Variants in POLD4 observed in about 807,000 individuals in gnomAD.
The protein encoded by POLD4 is DNA polymerase delta 4, accessory subunit.
In POLD4, 9 loss-of-function variants were observed where a neutral mutation model predicts 16.5. The ratio of observed to expected loss-of-function variants is 0.55; its 90% CI spans 0.33 to 0.95. The LOEUF (loss-of-function observed/expected upper bound fraction) is 0.95, where lower values mean the gene tolerates loss of function less well. POLD4 is among the 40% of genes least tolerant of loss of function. POLD4 has a pLI of 0.03. For synonymous variants in POLD4, 62 were observed against 57.6 expected (o/e 1.08, Z -0.35); for missense variants, 129 against 139.7 (o/e 0.92, Z 0.39).
chr11:67,353,565 G>A, upstream of POLD4: 1 of 607,910 alleles, frequency 1.6e-6, no homozygotes, highest in Non-Finnish European at 2.8e-6. Context: ...CGGGGTCCAG[G>A]GAGGGACGCC....
intron 1 of POLD4, 107 bp downstream of exon 1, chr11:67,353,196 G>A (rs1861914184): frequency 6.6e-6 from 10 of 1,510,058 alleles, no homozygotes; most frequent in Non-Finnish European, 8.1e-6. Context: ...GTGTCGGGAG[G>A]GGAGGACAGG....
Position 67,353,217 on chromosome 11 carries a change from C to T in POLD4, c.97+86G>A, listed in dbSNP as rs1001090983. On this transcript the variant is annotated intron_variant, in intron 1 of 3. Coordinates refer to ENST00000312419, the MANE Select transcript of POLD4 (RefSeq NM_021173.5). ...GGAGGGGAGGACAGGCCACCTTTCC[C>T]TTTCCATCGGCCCCTCCGCCCCTCT... 3.0e-5 allele frequency: 47 copies of T among 1,551,522 alleles called. No homozygotes were observed. In the Admixed American group the frequency reaches 3.1e-4, roughly 10 times the overall value.
At position 67,351,741 on chromosome 11, in the gene POLD4, T is replaced by C; in HGVS notation, c.*254A>G. 4.1e-6 allele frequency: 2 copies of C among 488,866 alleles called. No homozygotes were observed. The highest frequency in any genetic ancestry group is 7.0e-5 in the East Asian group (2 of 28,770). 30.3% of individuals were successfully genotyped at this position (488,866 alleles called of 1,614,324 possible). A position where few individuals can be genotyped will look rare whatever the true frequency, so the allele number is the denominator to read the frequency against. The stretch of plus-strand genomic sequence containing the variant: ...ACAGGCAGCAGGTATTGGAAGGTGA[T>C]GGCCAGGTCCTTTTCCCCAGTGACC... On this transcript the variant is annotated 3_prime_UTR_variant, in exon 4 of 4. Transcript: ENST00000312419. This position sits in a 1 kb window ranked among gnomAD's most constrained non-coding sequence, Gnocchi z 4.8.
chr11:67,353,062 G>A lies in POLD4; in HGVS notation c.113C>T (p.Pro38Leu), dbSNP rs1861910327. 6.3e-7 allele frequency: 1 copy of A among 1,587,166 alleles called. No individual in the cohort carries two copies. Among genetic ancestry groups the A allele is most frequent in the Non-Finnish European group, 8.6e-7 (1 of 1,166,964 alleles). Residue 38 changes from proline to leucine, a missense_variant, in exon 2 of 4, where the codon CCC (proline) becomes CTC (leucine). Pro to Leu is a moderately conservative substitution (Grantham distance 98, BLOSUM62 -3). Coordinates refer to ENST00000312419, the MANE Select transcript of POLD4 (RefSeq NM_021173.5). ...LAPELGEEPQ[P>L]RDEEEAELEL... ...CAGCTCCGCTTCCTCCTCGTCGCGG[G>A]GCTGGGGCTCCTCCCCTGCAATGAC... is the stretch of plus-strand genomic sequence containing the variant.
chr11:67,352,236 G>A, intron 3 of POLD4: 1 of 520,292 alleles, frequency 1.9e-6, no homozygotes, highest in Non-Finnish European at 3.5e-6. Context: ...TTGGCCGGGT[G>A]TGGTGGCTCA....
At chr11:67,352,875 T>C (rs1293164188) in intron 2 of POLD4, 73 bp from the exon 3 acceptor site, 7 of 1,349,516 alleles carry the variant, frequency 5.2e-6, no homozygotes, top group Non-Finnish European at 7.2e-6. Context: ...AATGTGTGTG[T>C]TGGGGGGAGA....
At position 67,352,005 on chromosome 11, in the gene POLD4, T is replaced by G. The variant is rs141546876; in HGVS notation, c.314A>C (p.Tyr105Ser). The part of the protein sequence containing the change: ...PRFQCSLWHL[Y>S]PL ...GTCTTACGTGGTGCCTCATAGGGGA[T>G]AGAGATGCCAGAGACTGTGGAAGAT... Residue 105 changes from tyrosine (Y) to serine (S), a missense_variant, in exon 4 of 4, where the codon TAT becomes TCT. Tyr to Ser is a moderately radical substitution (Grantham distance 144, BLOSUM62 -2). Coordinates refer to ENST00000312419, the MANE Select transcript of POLD4 (RefSeq NM_021173.5). 2 of 1,516,984 alleles carry G rather than the reference T, an allele frequency of 1.3e-6. No homozygotes were observed. The highest frequency in any genetic ancestry group is 4.1e-5 in the Admixed American group (2 of 49,058). 94.0% of individuals were successfully genotyped at this position (1,516,984 alleles called of 1,614,324 possible).
At chr11:67,352,836 T>TG (rs751494816) in intron 2 of POLD4, 34 bp from the exon 3 acceptor site, 61 of 1,460,850 alleles carry the variant, frequency 4.2e-5, no homozygotes, top group Non-Finnish European at 5.5e-5. Context: ...TGGAGACTTG[T>TG]GGGGGGTGGG....
In POLD4 at chr11:67,352,503, C is replaced by T. The variant is rs1861891566; in HGVS notation, c.299+188G>A. The T allele has an allele frequency of 7.3e-6, 4 of 550,018 alleles. 1 individual carries two copies. Among genetic ancestry groups the T allele is most frequent in the Non-Finnish European group, 1.3e-5 (4 of 309,394 alleles). 34.1% of individuals were successfully genotyped at this position (550,018 alleles called of 1,614,324 possible). On this transcript the variant is annotated intron_variant, in intron 3 of 3. Coordinates refer to ENST00000312419, the MANE Select transcript of POLD4 (RefSeq NM_021173.5). ...CCAGCCTGGGCAACAGAGCAAGACT[C>T]TGTCTCAAAAAAAAAGAATTATTAT...
intron 1 of POLD4, 58 bp from the exon 2 acceptor site, chr11:67,353,135 C>T (rs1452540565): frequency 1.7e-5 from 26 of 1,523,362 alleles, no homozygotes; most frequent in Admixed American, 3.9e-5. Context: ...CCCCTCACCT[C>T]CCAGCCTTCC....
At position 67,353,065 on chromosome 11, in the gene POLD4, T is replaced by C; in HGVS notation, c.110A>G (p.Gln37Arg). 1 of 1,586,540 alleles carries C rather than the reference T, an allele frequency of 6.3e-7. No individual in the cohort carries two copies. Among genetic ancestry groups the C allele is most frequent in the South Asian group, 1.1e-5 (1 of 87,796 alleles). Residue 37 changes from glutamine to arginine, a missense_variant, in exon 2 of 4, where the codon CAG becomes CGG. Transcript: ENST00000312419. The part of the protein sequence containing the change: ...ELAPELGEEP[Q>R]PRDEEEAELE... The stretch of plus-strand genomic sequence containing the variant: ...CTCCGCTTCCTCCTCGTCGCGGGGC[T>C]GGGGCTCCTCCCCTGCAATGACAGC...
At position 67,352,039 on chromosome 11, in the gene POLD4, AG is replaced by A; in HGVS notation, c.300-21del. The stretch of plus-strand genomic sequence containing the variant: ...CAGAGACTGTGGAAGATGGGGTGGG[AG>A]GGAGGGATACCCCAGAGAGAGAGAG... On this transcript the variant is annotated intron_variant, in intron 3 of 3. Coordinates refer to ENST00000312419, the MANE Select transcript of POLD4 (RefSeq NM_021173.5). 4 of 272,648 alleles carry A rather than the reference AG, an allele frequency of 1.5e-5. No individual in the cohort carries two copies. The highest frequency in any genetic ancestry group is 3.0e-5 in the Non-Finnish European group (4 of 133,294). 16.9% of individuals were successfully genotyped at this position (272,648 alleles called of 1,614,324 possible). A position where few individuals can be genotyped will look rare whatever the true frequency, so the allele number is the denominator to read the frequency against.
Position 67,353,203 on chromosome 11 carries a change from C to T in POLD4, c.97+100G>A. ...TAGACCTGGTGTCGGGAGGGGAGGACAGGCCACCTTTCCCTTTCCATCGGC... is the reference window on the plus strand; with the variant it reads ...TAGACCTGGTGTCGGGAGGGGAGGATAGGCCACCTTTCCCTTTCCATCGGC... On this transcript the variant is annotated intron_variant, in intron 1 of 3. Coordinates refer to ENST00000312419, the MANE Select transcript of POLD4 (RefSeq NM_021173.5). 4 of 1,523,074 alleles carry T rather than the reference C, an allele frequency of 2.6e-6. No homozygotes were observed. In the South Asian group the frequency reaches 3.5e-5, roughly 13 times the overall value. 94.3% of individuals were successfully genotyped at this position (1,523,074 alleles called of 1,614,324 possible). A position where few individuals can be genotyped will look rare whatever the true frequency, so the allele number is the denominator to read the frequency against.
chr11:67,353,286 C>T lies in POLD4; in HGVS notation c.97+17G>A, dbSNP rs770442598. On this transcript the variant is annotated intron_variant, in intron 1 of 3. Coordinates refer to ENST00000312419, the MANE Select transcript of POLD4 (RefSeq NM_021173.5). The stretch of plus-strand genomic sequence containing the variant: ...CCTCCGTGTCCACTCCTCCTGCCTC[C>T]CTCACACCTCAGAGACCTAGCTCGG... 2.6e-5 allele frequency: 41 copies of T among 1,606,870 alleles called. No homozygotes were observed. The highest frequency in any genetic ancestry group is 3.3e-5 in the Non-Finnish European group (39 of 1,177,780).
Position 67,353,458 on chromosome 11 carries a change from A to G in POLD4, c.-59T>C. 2 of 1,451,900 alleles carry G rather than the reference A, an allele frequency of 1.4e-6. No individual in the cohort carries two copies. Among genetic ancestry groups the G allele is most frequent in the Non-Finnish European group, 1.9e-6 (2 of 1,055,282 alleles). 89.9% of individuals were successfully genotyped at this position (1,451,900 alleles called of 1,614,324 possible). A position where few individuals can be genotyped will look rare whatever the true frequency, so the allele number is the denominator to read the frequency against. On this transcript the variant is annotated 5_prime_UTR_variant, in exon 1 of 4. Coordinates refer to ENST00000312419, the MANE Select transcript of POLD4 (RefSeq NM_021173.5). Reference sequence around the variant, plus strand: ...CTGCGGGGAAGAGGAGAGACCGGCCAGTGGGCGCGAGAAAGACAGCTGCTG... The same window carrying G: ...CTGCGGGGAAGAGGAGAGACCGGCCGGTGGGCGCGAGAAAGACAGCTGCTG...
chr11:67,353,006 G>C lies in POLD4; in HGVS notation c.169C>G (p.Gln57Glu). 4 of 1,582,008 alleles carry C rather than the reference G, an allele frequency of 2.5e-6. No homozygotes were observed. The highest frequency in any genetic ancestry group is 3.4e-6 in the Non-Finnish European group (4 of 1,163,710). ...ELLRQFDLAW[Q>E]YGPCTGITRL... ...TTCTCACCGGTGCAGGGCCCGTACT[G>C]CCAGGCCAGGTCAAACTGCCTCAGC... Residue 57 changes from glutamine (Q) to glutamate (E), a missense_variant, in exon 2 of 4, where the codon CAG (glutamine) becomes GAG (glutamate). Coordinates refer to ENST00000312419, the MANE Select transcript of POLD4 (RefSeq NM_021173.5).
At chr11:67,352,080 T>A in intron 3 of POLD4, 61 bp from the exon 4 acceptor site, 3 of 1,334,394 alleles carry the variant, frequency 2.2e-6, no homozygotes, top group Non-Finnish European at 3.2e-6. Context: ...AAACAGAGAA[T>A]CAGTTGTTGA....
At position 67,351,839 on chromosome 11, in the gene POLD4, T is replaced by C. The variant is rs1861873819; in HGVS notation, c.*156A>G. The C allele has an allele frequency of 8.5e-6, 6 of 705,568 alleles. No homozygotes were observed. Among genetic ancestry groups the C allele is most frequent in the Non-Finnish European group, 1.2e-5 (5 of 411,326 alleles). The allele number at this position is 705,568 out of a possible 1,614,324, so 43.7% of individuals were successfully genotyped here. ...GGACTCTGGGAGCCTGCTGGTTAGA[T>C]GGAGGAGTTGAGCCTCTGACACCTC... On this transcript the variant is annotated 3_prime_UTR_variant, in exon 4 of 4. Transcript: ENST00000312419. The surrounding 1 kb of genome is among the most constrained non-coding windows in gnomAD (Gnocchi z 4.8).
rs1397682633 is a variant in POLD4 at position 67,353,510 on chromosome 11, G to A, written c.-111C>T. On this transcript the variant is annotated 5_prime_UTR_variant, in exon 1 of 4. Transcript: ENST00000312419. The stretch of plus-strand genomic sequence containing the variant: ...GAGAGACAGACGGGGCCAGGCCAGC[G>A]GCGGGCAGACAAGATGACCCAGACA... 12 of 930,172 alleles carry A rather than the reference G, an allele frequency of 1.3e-5. 1 individual carries two copies. The highest frequency in any genetic ancestry group is 1.0e-4 in the African/African-American group (6 of 59,928). 57.6% of individuals were successfully genotyped at this position (930,172 alleles called of 1,614,324 possible). A position where few individuals can be genotyped will look rare whatever the true frequency, so the allele number is the denominator to read the frequency against.
Sources: gnomAD v4.1 joint callset for allele counts on GRCh38, gnomAD v4.1.1 for gene constraint, Gnocchi (gnomAD v3.1) non-coding constraint, MANE v1.5 for transcripts, NCBI Gene and HGNC (gene_info 2026-07-23, HGNC 2026-07-21) for gene names.